The following DISC1 variants were observed in gnomAD, a reference collection of about 807,000 sequenced individuals.
The protein encoded by DISC1 is disrupted in schizophrenia 1 protein.
In DISC1, 57 loss-of-function variants were observed where a neutral mutation model predicts 84.5. The ratio of observed to expected loss-of-function variants is 0.67; its 90% CI spans 0.55 to 0.84. The LOEUF is 0.84. Ranked by LOEUF, DISC1 falls within the 40% of genes least tolerant of loss-of-function variation. The pLI, the probability that DISC1 is intolerant of heterozygous loss-of-function variation, is 0.00. For missense variants in DISC1, 1,000 were observed against 1,057.8 expected (o/e 0.95, Z 0.76); for synonymous variants, 411 against 415.2 (o/e 0.99, Z 0.12).
intron 9 of DISC1, among the ~76,000 whole-genome samples, chr1:231,833,092 T>C (rs545367668): frequency 1.2e-4 from 18 of 148,820 alleles, no homozygotes; most frequent in African/African-American, 3.8e-4. Flanking sequence ...AAAGGAGGCT[T>C]TGGATTGGGA....
At chr1:231,934,324 C>T (rs892529763) in intron 9 of DISC1, among the ~76,000 whole-genome samples, 1 of 152,154 alleles carries the variant, frequency 6.6e-6, no homozygotes, top group Admixed American at 6.5e-5. Context: ...GTGGAAGTCT[C>T]AGCTCCTCAG....
intron 3 of DISC1, among the ~76,000 whole-genome samples, chr1:231,724,268 C>CT (rs140640340): frequency 0.04 from 6,157 of 152,222 alleles, 169 homozygotes; most frequent in East Asian, 0.12. Flanking sequence ...CTAGAAGTTC[C>CT]GGTTTTTCAT....
chr1:231,960,626 TCA>T (rs1220149934), intron 10 of DISC1, among the ~76,000 whole-genome samples: 1 of 152,218 alleles, frequency 6.6e-6, no homozygotes, highest in Admixed American at 6.5e-5. Context: ...TCCTCTGTTC[TCA>T]CACAATGCAA....
intron 2 of DISC1, among the ~76,000 whole-genome samples, chr1:231,700,949 G>A (rs1051359955): frequency 2.0e-5 from 3 of 152,270 alleles, no homozygotes; most frequent in Non-Finnish European, 4.4e-5. Flanking sequence ...TTCATTGGTA[G>A]GCCAAGAATT....
intron 9 of DISC1, among the ~76,000 whole-genome samples, chr1:231,948,173 C>A (rs886628761): frequency 1.3e-5 from 2 of 152,230 alleles, no homozygotes; most frequent in South Asian, 2.1e-4. Flanking sequence ...TATTGTGGCA[C>A]TATTCACAAT....
In DISC1 at chr1:231,728,170, C is replaced by G. The variant is rs1331637778; in HGVS notation, c.1118-21756C>G. On this transcript the variant is annotated intron_variant, in intron 3 of 12. Coordinates refer to ENST00000439617, the MANE Select transcript of DISC1 (RefSeq NM_018662.3). ...GTGTTTACTTGATCATTTTATTCCT[C>G]TTTAGAGGTTTATCTTTAGGATCAC... is the stretch of plus-strand genomic sequence containing the variant. 2.6e-5 allele frequency among the ~76,000 whole-genome samples: 4 copies of G among 152,036 alleles called. No individual in the cohort carries two copies. The East Asian group carries it at 7.7e-4, about 29-fold the overall frequency.
chr1:231,705,983 G>T (rs1414809369), intron 3 of DISC1, among the ~76,000 whole-genome samples: 1 of 152,086 alleles, frequency 6.6e-6, no homozygotes, highest in Non-Finnish European at 1.5e-5. Flanking sequence ...ATGACTTTGT[G>T]TTCCAAAGAA....
chr1:231,774,513 A>G (rs781595489), intron 6 of DISC1: 4 of 346,222 alleles, frequency 1.2e-5, no homozygotes, highest in Non-Finnish European at 2.3e-5. Context: ...GGTGATTCTC[A>G]AGAGGTGATC....
intron 9 of DISC1, among the ~76,000 whole-genome samples, chr1:231,895,569 A>G (rs1489669172): frequency 6.6e-6 from 1 of 152,086 alleles, no homozygotes; most frequent in Non-Finnish European, 1.5e-5. Flanking sequence ...TTTAAAAATT[A>G]AATTATTGTT....
At chr1:231,887,802 T>C (rs201757626) in intron 9 of DISC1, among the ~76,000 whole-genome samples, 1 of 152,266 alleles carries the variant, frequency 6.6e-6, no homozygotes, top group Admixed American at 6.5e-5. Context: ...GATTGACAAC[T>C]ACTATTTGCT....
chr1:231,645,509 T>TC, intron 1 of DISC1, among the ~76,000 whole-genome samples: 1 of 152,170 alleles, frequency 6.6e-6, no homozygotes, highest in East Asian at 1.9e-4. Flanking sequence ...CACTTCTTTT[T>TC]TTTTTTTGTC....
intron 3 of DISC1, among the ~76,000 whole-genome samples, chr1:231,720,539 T>C (rs1316094438): frequency 6.6e-6 from 1 of 152,100 alleles, no homozygotes; most frequent in African/African-American, 2.4e-5. Flanking sequence ...GGGGTCTCAC[T>C]ATGTTGCACA....
At chr1:231,673,827 C>T (rs1222606830) in intron 1 of DISC1, among the ~76,000 whole-genome samples, 2 of 152,190 alleles carry the variant, frequency 1.3e-5, no homozygotes, top group African/African-American at 2.4e-5. Flanking sequence ...AAACAACAAA[C>T]ATCATTGAGT....
At chr1:231,727,514 C>T (rs569312466) in intron 3 of DISC1, among the ~76,000 whole-genome samples, 2 of 152,254 alleles carry the variant, frequency 1.3e-5, no homozygotes, top group South Asian at 2.1e-4. Context: ...ATTAATTCCT[C>T]CTCTATTTGA....
intron 9 of DISC1, among the ~76,000 whole-genome samples, chr1:231,870,659 C>A (rs557540255): frequency 6.6e-6 from 1 of 152,056 alleles, no homozygotes; most frequent in Non-Finnish European, 1.5e-5. Flanking sequence ...TGACAGCCCC[C>A]CAAAAAGCCC....
At chr1:231,680,725 C>G (rs201075051) in intron 1 of DISC1, among the ~76,000 whole-genome samples, 88 of 152,296 alleles carry the variant, frequency 5.8e-4, no homozygotes, top group Admixed American at 1.2e-3. Flanking sequence ...AAAAGATGCT[C>G]CAGCTTCCAG....
rs61494049 is a variant in DISC1, at chr1:231,920,068, G to A, written c.1982-38760G>A. On this transcript the variant is annotated intron_variant, in intron 9 of 12. Transcript: ENST00000439617. The stretch of plus-strand genomic sequence containing the variant: ...GGTTTAGCAGCACCCAGGGCTCTAC[G>A]TACTAGATGCTAGTGCCTCCCCTCC... Among the ~76,000 whole-genome samples the A allele has an allele frequency of 2.6e-5, 4 of 152,170 alleles. No individual in the cohort carries two copies. The East Asian group carries it at 7.7e-4, about 29-fold the overall frequency.
At chr1:231,880,552 A>T (rs2086213433) in intron 9 of DISC1, among the ~76,000 whole-genome samples, 1 of 152,188 alleles carries the variant, frequency 6.6e-6, no homozygotes, top group Non-Finnish European at 1.5e-5. Context: ...TAGGGCAGAG[A>T]TGATAACACT....
intron 8 of DISC1, among the ~76,000 whole-genome samples, chr1:231,816,247 A>T (rs1391104423): frequency 6.6e-6 from 1 of 152,198 alleles, no homozygotes; most frequent in Non-Finnish European, 1.5e-5. Flanking sequence ...TTGTGCGTCT[A>T]CTTTGTAAAA....
Sources: gnomAD v4.1 joint callset for allele counts (sites outside exome capture counted in the v4.1 genomes callset) on GRCh38, gnomAD v4.1.1 for gene constraint, MANE v1.5 for transcripts, NCBI Gene and HGNC (gene_info 2026-07-23, HGNC 2026-07-21) for gene names.